The following CD55 variants were observed in gnomAD, a reference collection of about 807,000 sequenced individuals.
CD55 encodes complement decay-accelerating factor.
A neutral mutation model predicts 45.8 loss-of-function variants in CD55; 41 were observed. The observed-to-expected ratio is 0.90, with a 90% CI of 0.70 to 1.16. The LOEUF is 1.16. Ranked by LOEUF, CD55 falls within the 50% of genes most tolerant of loss-of-function variation. CD55 has a pLI of 0.00. For synonymous variants in CD55, 181 were observed against 181.1 expected, an observed-to-expected ratio of 1.00 and a Z score of 0.01; for missense variants, 416 against 469.8, an observed-to-expected ratio of 0.89 and a Z score of 1.06.
Position 207,359,888 on chromosome 1 carries a change from C to T in CD55, c.*278C>T, listed in dbSNP as rs919044005. 4.5e-5 allele frequency: 14 copies of T among 308,996 alleles called. No homozygotes were observed. Among genetic ancestry groups the T allele is most frequent in the East Asian group, 5.2e-5 (1 of 19,260 alleles). The allele number at this position is 308,996 out of a possible 1,614,324, so 19.1% of individuals were successfully genotyped here. On this transcript the variant is annotated 3_prime_UTR_variant, in exon 10 of 10. Coordinates refer to ENST00000367064, the MANE Select transcript of CD55 (RefSeq NM_000574.5). ...GTGTAAGAAAGCATAGAGATTTGTT[C>T]GTATTTAGAATGGGATCACGAGGAA...
At chr1:207,325,582 ATAATT>A in intron 3 of CD55, 35 bp from the exon 4 acceptor site, 1 of 1,306,486 alleles carries the variant, frequency 7.7e-7, no homozygotes, top group Non-Finnish European at 1.1e-6. Flanking sequence ...TGTATGCCTG[ATAATT>A]TAATTTTAAA....
chr1:207,351,792 T>C (rs1023499842), intron 9 of CD55, among the ~76,000 whole-genome samples: 28 of 152,194 alleles, frequency 1.8e-4, no homozygotes, highest in African/African-American at 6.3e-4. Flanking sequence ...AATGCCTTTT[T>C]TTCCTGAAAT....
At chr1:207,352,324 C>T (rs1466158485) in intron 9 of CD55, among the ~76,000 whole-genome samples, 2 of 151,940 alleles carry the variant, frequency 1.3e-5, no homozygotes, top group African/African-American at 2.4e-5. Context: ...GATCATCCTC[C>T]ACCACACATA....
At chr1:207,358,870 C>T (rs181662595) in intron 9 of CD55, among the ~76,000 whole-genome samples, 9 of 152,052 alleles carry the variant, frequency 5.9e-5, no homozygotes, top group Admixed American at 3.9e-4. Context: ...TTTATTGTAA[C>T]GATTAGATGC....
At position 207,359,661 on chromosome 1, in the gene CD55, G is replaced by T; in HGVS notation, c.*51G>T. The T allele has an allele frequency of 1.3e-6, 2 of 1,539,102 alleles. No individual in the cohort carries two copies. Among genetic ancestry groups the T allele is most frequent in the East Asian group, 2.4e-5 (1 of 41,970 alleles). On this transcript the variant is annotated 3_prime_UTR_variant, in exon 10 of 10. Coordinates refer to ENST00000367064, the MANE Select transcript of CD55 (RefSeq NM_000574.5). Reference sequence around the variant, plus strand: ...CACACAAGTATACAGACTGTTCCTAGTTTCTTAGACTTATCTGCATATTGG... The same window carrying T: ...CACACAAGTATACAGACTGTTCCTATTTTCTTAGACTTATCTGCATATTGG...
At chr1:207,344,985 G>T (rs1655574739) in intron 9 of CD55, among the ~76,000 whole-genome samples, 3 of 152,084 alleles carry the variant, frequency 2.0e-5, no homozygotes, top group African/African-American at 7.2e-5. Context: ...CAAAGTGCTG[G>T]GATTACAGGC....
At chr1:207,345,196 G>T (rs1289786827) in intron 9 of CD55, among the ~76,000 whole-genome samples, 2 of 152,002 alleles carry the variant, frequency 1.3e-5, no homozygotes, top group Non-Finnish European at 2.9e-5. Context: ...GGCCACTTTA[G>T]GGTGTCCCAT....
chr1:207,352,411 A>G (rs994615798), intron 9 of CD55, among the ~76,000 whole-genome samples: 7 of 152,098 alleles, frequency 4.6e-5, no homozygotes, highest in Non-Finnish European at 1.0e-4. Context: ...TTTAACTTTC[A>G]TCAGGTATCA....
intron 6 of CD55, among the ~76,000 whole-genome samples, chr1:207,332,445 C>T (rs1372884222): frequency 6.6e-6 from 1 of 152,126 alleles, no homozygotes; most frequent in Non-Finnish European, 1.5e-5. Flanking sequence ...TTTTCATGCC[C>T]ATTAGTAGCA....
rs150489756 is a variant in CD55, at chr1:207,334,489, G to A, written c.854-2204G>A. On this transcript the variant is annotated intron_variant, in intron 6 of 9. Coordinates refer to ENST00000367064, the MANE Select transcript of CD55 (RefSeq NM_000574.5). ...TAAATGAATACTGAGTTTACAAACAGTGAATGTAATGTCCTGTGGGGTCTG... is the reference window on the plus strand; with the variant it reads ...TAAATGAATACTGAGTTTACAAACAATGAATGTAATGTCCTGTGGGGTCTG... Among the ~76,000 whole-genome samples the A allele has an allele frequency of 4.2e-3, 632 of 152,258 alleles. 5 individuals are homozygous for A. The highest frequency in any genetic ancestry group is 0.014 in the African/African-American group (598 of 41,564).
In CD55 at chr1:207,331,085, AGAT is replaced by A; in HGVS notation, c.665-21_665-19del. Reference sequence around the variant, plus strand: ...ACTTTACTAGTTTTATTTATTTAAAAGATGTTGGAATTGTTTTTTAAGAAATTT... The same window carrying A: ...ACTTTACTAGTTTTATTTATTTAAAAGTTGGAATTGTTTTTTAAGAAATTT... On this transcript the variant is annotated intron_variant, in intron 5 of 9. Transcript: ENST00000367064. 1 of 1,527,210 alleles carries A rather than the reference AGAT, an allele frequency of 6.5e-7. No individual in the cohort carries two copies. The highest frequency in any genetic ancestry group is 9.0e-7 in the Non-Finnish European group (1 of 1,116,056). 94.6% of individuals were successfully genotyped at this position (1,527,210 alleles called of 1,614,324 possible). A position where few individuals can be genotyped will look rare whatever the true frequency, so the allele number is the denominator to read the frequency against.
chr1:207,337,578 C>A, intron 8 of CD55, 169 bp downstream of exon 8: 1 of 425,076 alleles, frequency 2.4e-6, no homozygotes, highest in Non-Finnish European at 4.2e-6. Context: ...TGTACTAGGG[C>A]AAATCTTTAA....
chr1:207,336,315 AGTTGTTCTAGAACAACATCCT>A (rs1178802908), intron 6 of CD55, among the ~76,000 whole-genome samples: 2 of 152,190 alleles, frequency 1.3e-5, no homozygotes, highest in Non-Finnish European at 2.9e-5. Context: ...CTGTTGGCTT[AGTTGTTCTAGAACAACATCCT>A]GTTGTTCTTT....
At chr1:207,336,876 G>C (rs1489915570) in intron 7 of CD55, 58 bp downstream of exon 7, 5 of 1,601,022 alleles carry the variant, frequency 3.1e-6, no homozygotes, top group Non-Finnish European at 1.7e-6. Flanking sequence ...TCAGCTACAA[G>C]AACCCCACCA....
At chr1:207,341,081 G>A (rs1299502334) in intron 9 of CD55, among the ~76,000 whole-genome samples, 1 of 152,128 alleles carries the variant, frequency 6.6e-6, no homozygotes, top group Non-Finnish European at 1.5e-5. Flanking sequence ...GCTGAGAAAT[G>A]TCTGTTCATG....
At chr1:207,337,229 A>T in intron 7 of CD55, 100 bp from the exon 8 acceptor site, 1 of 783,712 alleles carries the variant, frequency 1.3e-6, no homozygotes, top group Non-Finnish European at 2.2e-6. Context: ...AGTTGCATTT[A>T]CGCAGAGTCC....
chr1:207,334,625 G>C (rs1311467455), intron 6 of CD55, among the ~76,000 whole-genome samples: 1 of 152,146 alleles, frequency 6.6e-6, no homozygotes, highest in South Asian at 2.1e-4. Context: ...AAAAGTGATA[G>C]TTTGCATAAT....
At chr1:207,338,689 T>C (rs1655287803) in intron 8 of CD55, among the ~76,000 whole-genome samples, 1 of 152,148 alleles carries the variant, frequency 6.6e-6, no homozygotes, top group Admixed American at 6.6e-5. Context: ...ACCTTCTGTT[T>C]GATGCCACTC....
rs1252394534 is a variant in CD55, at chr1:207,321,731, C to G, written c.-35C>G. 12 of 1,462,688 alleles carry G rather than the reference C, an allele frequency of 8.2e-6. No homozygotes were observed. The East Asian group carries it at 3.1e-4, about 38-fold the overall frequency. The allele number at this position is 1,462,688 out of a possible 1,614,324, so 90.6% of individuals were successfully genotyped here. A position where few individuals can be genotyped will look rare whatever the true frequency, so the allele number is the denominator to read the frequency against. On this transcript the variant is annotated 5_prime_UTR_variant, in exon 1 of 10. Transcript: ENST00000367064. The stretch of plus-strand genomic sequence containing the variant: ...GGGCGTAGCTGCGACTCGGCGGAGT[C>G]CCGGCGGCGCGTCCTTGTTCTAACC...
Sources: gnomAD v4.1 joint callset for allele counts (sites outside exome capture counted in the v4.1 genomes callset) on GRCh38, gnomAD v4.1.1 for gene constraint, MANE v1.5 for transcripts, NCBI Gene and HGNC (gene_info 2026-07-23, HGNC 2026-07-21) for gene names.